The following RPGR variants were observed in gnomAD, a reference collection of about 807,000 sequenced individuals.
RPGR encodes retinitis pigmentosa GTPase regulator, also known as X-linked retinitis pigmentosa GTPase regulator.
A neutral mutation model predicts 56.3 loss-of-function variants in RPGR; 10 were observed. The ratio of observed to expected loss-of-function variants is 0.18; its 90% CI spans 0.11 to 0.30. The LOEUF (loss-of-function observed/expected upper bound fraction) is 0.30. Ranked by LOEUF, RPGR falls within the 10% of genes least tolerant of loss-of-function variation. The pLI is 1.00. For synonymous variants in RPGR, 197 were observed against 212.9 expected (o/e 0.93, Z 0.65); for missense variants, 538 against 590.9 (o/e 0.91, Z 0.93).
chrX:38,323,072 C>T, intron 2 of RPGR, 127 bp from the exon 3 acceptor site: 2 of 566,560 alleles, frequency 3.5e-6, no homozygotes, highest in Non-Finnish European at 6.0e-6. Flanking sequence ...AAATAAGTTA[C>T]CTTGTTCATC....
At chrX:38,285,897 T>G in intron 15 of RPGR, 1 of 1,172,317 alleles carries the variant, frequency 8.5e-7, no homozygotes, top group East Asian at 3.1e-5. Flanking sequence ...CCTCTTCCTC[T>G]CCTTCCCCCT....
chrX:38,327,288 G>T, intron 1 of RPGR, 52 bp downstream of exon 1: 1 of 1,143,914 alleles, frequency 8.7e-7, no homozygotes, highest in South Asian at 1.9e-5. Flanking sequence ...GGGCCCGGCC[G>T]CCCGCGGACC....
chrX:38,269,737 G>C lies in RPGR; in HGVS notation c.2337C>G (p.Ile779Met), dbSNP rs1342166642. The change falls in exon 19 of 19, where the codon ATC becomes ATG. Residue 779 changes from isoleucine (I) to methionine (M), a missense_variant. Ile to Met is a conservative substitution (Grantham distance 10). Transcript: ENST00000642395. ...CATCTTTATTATCACTTTTTAAAAT[G>C]ATCTGGTCTCCTATGGATTTTATCT... 2 of 1,205,692 alleles carry C rather than the reference G, an allele frequency of 1.7e-6. No individual in the cohort carries two copies. The highest frequency in any genetic ancestry group is 3.0e-5 in the East Asian group (1 of 33,742).
At chrX:38,305,109 G>A (rs1569250071) in intron 7 of RPGR, among the ~76,000 whole-genome samples, 3 of 111,533 alleles carry the variant, frequency 2.7e-5, no homozygotes, top group Non-Finnish European at 3.8e-5. Context: ...CCATAATTAC[G>A]TCGGCTCAAA....
chrX:38,285,682 T>C lies in RPGR; in HGVS notation c.1905+1412A>G, dbSNP rs574644551. On this transcript the variant is annotated intron_variant, in intron 15 of 18. Transcript: ENST00000642395. Reference sequence around the variant, plus strand: ...ATTTCCCTGTGTGTTAGTAACTGACTTTTTTTGATATGTTTTATGTTTGCC... The same window carrying C: ...ATTTCCCTGTGTGTTAGTAACTGACCTTTTTTGATATGTTTTATGTTTGCC... 61 of 1,209,364 alleles carry C rather than the reference T, an allele frequency of 5.0e-5. No individual in the cohort carries two copies. The South Asian group carries it at 9.7e-4, about 19-fold the overall frequency.
At chrX:38,321,296 C>G (rs1287842749) in intron 3 of RPGR, among the ~76,000 whole-genome samples, 1 of 111,373 alleles carries the variant, frequency 9.0e-6, no homozygotes, top group African/African-American at 3.3e-5. Context: ...ATATAGATAT[C>G]TTAGCCCCAC....
intron 11 of RPGR, among the ~76,000 whole-genome samples, chrX:38,293,728 C>T (rs1352091080): frequency 3.6e-5 from 4 of 111,959 alleles, no homozygotes; most frequent in Admixed American, 9.5e-5. Context: ...CAAACATACA[C>T]AACTACCTAT....
intron 1 of RPGR, among the ~76,000 whole-genome samples, chrX:38,326,221 G>A (rs986804055): frequency 1.8e-5 from 2 of 111,994 alleles, no homozygotes; most frequent in African/African-American, 6.5e-5. Flanking sequence ...AATATCTACT[G>A]TCAATTTATA....
At chrX:38,323,827 A>AG (rs1413820460) in intron 1 of RPGR, among the ~76,000 whole-genome samples, 1 of 112,426 alleles carries the variant, frequency 8.9e-6, no homozygotes, top group African/African-American at 3.2e-5. Context: ...GCTGTCACCA[A>AG]GTAGATGTCT....
At chrX:38,283,468 G>A (rs1222268046) in intron 15 of RPGR, among the ~76,000 whole-genome samples, 1 of 111,634 alleles carries the variant, frequency 9.0e-6, no homozygotes, top group Non-Finnish European at 1.9e-5. Flanking sequence ...TAATTTTCCA[G>A]ATGAAGAAAT....
At chrX:38,317,292 T>C (rs2067843885) in intron 6 of RPGR, 24 bp downstream of exon 6, 1 of 1,188,992 alleles carries the variant, frequency 8.4e-7, no homozygotes, top group African/African-American at 1.8e-5. Flanking sequence ...GGAGATAACA[T>C]GATGACTTCA....
At chrX:38,285,726 T>C in intron 15 of RPGR, 1 of 1,211,427 alleles carries the variant, frequency 8.3e-7, no homozygotes, top group South Asian at 1.8e-5. Context: ...CAGATCCTTT[T>C]ATTTTGCTCA....
At chrX:38,325,881 T>C (rs2068039657) in intron 1 of RPGR, 1 of 112,015 alleles carries the variant, frequency 8.9e-6, no homozygotes, top group Admixed American at 9.5e-5. Context: ...ATACACCAAA[T>C]AGTAGGCCAG....
chrX:38,320,914 TA>T, intron 4 of RPGR, 112 bp downstream of exon 4: 1 of 599,979 alleles, frequency 1.7e-6, no homozygotes, highest in Non-Finnish European at 2.8e-6. Context: ...TAAAAAACCC[TA>T]ATTTTACTGT....
intron 15 of RPGR, chrX:38,285,984 T>TCCTTCC (rs768165381): frequency 1.3e-6 from 1 of 747,646 alleles, no homozygotes; most frequent in Admixed American, 4.1e-5. Context: ...CTTCTTCCTC[T>TCCTTCC]CCCTCTCCTT....
chrX:38,303,961 A>T (rs971214440), intron 8 of RPGR: 9 of 278,750 alleles, frequency 3.2e-5, no homozygotes, highest in Middle Eastern at 1.9e-3. Context: ...AGCATTGAAA[A>T]CTGTGGACTA....
At chrX:38,294,661 C>T (rs934209336) in intron 11 of RPGR, among the ~76,000 whole-genome samples, 3 of 112,104 alleles carry the variant, frequency 2.7e-5, no homozygotes, top group Non-Finnish European at 5.6e-5. Flanking sequence ...CTTCCTCAAA[C>T]GTGTTCTTAG....
rs777722220 is a variant in RPGR, at chrX:38,321,013, G to C, written c.310+14C>G. On this transcript the variant is annotated intron_variant, in intron 4 of 18. Coordinates refer to ENST00000642395, the MANE Select transcript of RPGR (RefSeq NM_000328.3). ...CAAAGTCAGGCAGGAAATCATACAG[G>C]TTGAGCACTATACCTGTTGACACCA... is the stretch of plus-strand genomic sequence containing the variant. 1 of 1,181,735 alleles carries C rather than the reference G, an allele frequency of 8.5e-7. No individual in the cohort carries two copies. Among genetic ancestry groups the C allele is most frequent in the East Asian group, 3.0e-5 (1 of 33,692 alleles).
chrX:38,324,986 G>A (rs764501237), intron 1 of RPGR, among the ~76,000 whole-genome samples: 131 of 106,268 alleles, frequency 1.2e-3, no homozygotes, highest in Admixed American at 2.0e-3. Flanking sequence ...CCTGGCCAAC[G>A]TGGTGAAACC....
Sources: gnomAD v4.1 joint callset for allele counts (sites outside exome capture counted in the v4.1 genomes callset) on GRCh38, gnomAD v4.1.1 for gene constraint, MANE v1.5 for transcripts, NCBI Gene and HGNC (gene_info 2026-07-23, HGNC 2026-07-21) for gene names.